Variants in HSPA12A observed in about 807,000 individuals in gnomAD.
The protein encoded by HSPA12A is heat shock 70 kDa protein 12A.
A neutral mutation model predicts 69.2 loss-of-function variants in HSPA12A; 28 were observed. The ratio of observed to expected loss-of-function variants is 0.40; its 90% CI spans 0.30 to 0.55. HSPA12A has a LOEUF of 0.55. Ranked by LOEUF, HSPA12A falls within the 20% of genes least tolerant of loss-of-function variation. HSPA12A has a pLI of 0.38. For missense variants in HSPA12A, 686 were observed against 900.7 expected (o/e 0.76, Z 3.05); for synonymous variants, 345 against 370.5 (o/e 0.93, Z 0.79).
chr10:116,840,547 T>C (rs956969670), intron 1 of HSPA12A, among the ~76,000 whole-genome samples: 1 of 152,224 alleles, frequency 6.6e-6, no homozygotes, highest in Admixed American at 6.5e-5. Flanking sequence ...GCATTTATGA[T>C]TAGGCAACCA....
At chr10:116,756,674 G>A (rs1047411799) in intron 2 of HSPA12A, among the ~76,000 whole-genome samples, 4 of 152,178 alleles carry the variant, frequency 2.6e-5, no homozygotes, top group Non-Finnish European at 4.4e-5. Context: ...TTTGCAAACC[G>A]TTTTGAAAGG....
chr10:116,754,279 G>A (rs1052251589), intron 2 of HSPA12A, among the ~76,000 whole-genome samples: 4 of 152,206 alleles, frequency 2.6e-5, no homozygotes, highest in South Asian at 2.1e-4. Flanking sequence ...AGCTCACTGC[G>A]AGGATGGAAA....
intron 1 of HSPA12A, among the ~76,000 whole-genome samples, chr10:116,731,304 C>T (rs1174488984): frequency 6.6e-6 from 1 of 152,186 alleles, no homozygotes; most frequent in Non-Finnish European, 1.5e-5. Context: ...AGGGATGGTG[C>T]CCAGAACTTA....
intron 1 of HSPA12A, among the ~76,000 whole-genome samples, chr10:116,721,816 G>C (rs879960441): frequency 4.6e-5 from 7 of 152,188 alleles, no homozygotes; most frequent in Non-Finnish European, 8.8e-5. Context: ...GATGGCCCCA[G>C]CTGCCATAAT....
intron 2 of HSPA12A, among the ~76,000 whole-genome samples, chr10:116,809,948 G>A (rs1845142553): frequency 6.6e-6 from 1 of 152,186 alleles, no homozygotes; most frequent in Non-Finnish European, 1.5e-5. Context: ...GGATCCCTGG[G>A]GAGGGACCCG....
intron 2 of HSPA12A, among the ~76,000 whole-genome samples, chr10:116,823,894 T>C (rs1461534101): frequency 2.6e-5 from 4 of 151,920 alleles, no homozygotes; most frequent in Non-Finnish European, 5.9e-5. Flanking sequence ...ACAAGAAAAA[T>C]ATGGCTAAAC....
intron 1 of HSPA12A, among the ~76,000 whole-genome samples, chr10:116,844,754 A>G (rs1430351753): frequency 4.6e-5 from 7 of 152,210 alleles, no homozygotes; most frequent in Admixed American, 3.9e-4. Context: ...ATTAACAAGC[A>G]CTTGATAGCA....
At chr10:116,720,203 A>G (rs1330381179) in intron 1 of HSPA12A, among the ~76,000 whole-genome samples, 1 of 152,210 alleles carries the variant, frequency 6.6e-6, no homozygotes, top group Non-Finnish European at 1.5e-5. Flanking sequence ...CCCTGCCTTC[A>G]GGAGCCCAGC....
intron 1 of HSPA12A, 33 bp from the exon 2 acceptor site, chr10:116,707,318 G>A: frequency 1.9e-6 from 3 of 1,547,370 alleles, no homozygotes; most frequent in Non-Finnish European, 2.7e-6. Context: ...CTCCTTAGAA[G>A]TGGCATGGAC....
intron 2 of HSPA12A, among the ~76,000 whole-genome samples, chr10:116,773,664 C>T (rs1844264929): frequency 1.3e-5 from 2 of 152,228 alleles, no homozygotes; most frequent in Non-Finnish European, 2.9e-5. Flanking sequence ...GGGTTGTCAA[C>T]TGCAGCCTGA....
At chr10:116,705,506 C>T (rs1314631740) in intron 2 of HSPA12A, among the ~76,000 whole-genome samples, 5 of 152,260 alleles carry the variant, frequency 3.3e-5, no homozygotes, top group Non-Finnish European at 5.9e-5. Context: ...GCCAGGCTGA[C>T]TGGACAAAGC....
At chr10:116,742,595 T>C (rs1405102358), upstream of HSPA12A, 14 of 1,110,042 alleles carry the variant, frequency 1.3e-5, no homozygotes, top group East Asian at 2.5e-4. Flanking sequence ...AGCGCTGCTC[T>C]GACGCGGCAG....
intron 1 of HSPA12A, 95 bp from the exon 2 acceptor site, chr10:116,707,380 T>C: frequency 2.1e-6 from 2 of 949,410 alleles, no homozygotes; most frequent in Non-Finnish European, 1.6e-6. Context: ...CTCCAGGAAC[T>C]GCGGCCTCTG....
At chr10:116,796,304 C>T (rs1631049) in intron 2 of HSPA12A, among the ~76,000 whole-genome samples, 123,809 of 151,914 alleles carry the variant, frequency 0.81, 52,695 homozygotes, top group Non-Finnish European at 0.93. Flanking sequence ...GTTGAATGAT[C>T]AAAATTTGGG....
chr10:116,674,779 G>T lies in HSPA12A; in HGVS notation c.*2C>A. On this transcript the variant is annotated 3_prime_UTR_variant, in exon 12 of 12. Transcript: ENST00000369209. The stretch of plus-strand genomic sequence containing the variant: ...AAGGGGACAGGCAGCGGGGCGGGAG[G>T]GTTAGTAATTTAAGAAGTCGATCCC... 1 of 1,602,374 alleles carries T rather than the reference G, an allele frequency of 6.2e-7. No individual in the cohort carries two copies. The highest frequency in any genetic ancestry group is 8.5e-7 in the Non-Finnish European group (1 of 1,174,106).
intron 10 of HSPA12A, among the ~76,000 whole-genome samples, chr10:116,678,089 G>A (rs1442414269): frequency 6.6e-6 from 1 of 151,774 alleles, no homozygotes; most frequent in African/African-American, 2.4e-5. Flanking sequence ...GAGGAGCCAA[G>A]TTTCTCTCTC....
rs529156333 is a variant in HSPA12A at position 116,737,346 on chromosome 10, C to T, written c.40+5084G>A. Among the ~76,000 whole-genome samples the T allele has an allele frequency of 2.0e-5, 3 of 152,238 alleles. No individual in the cohort carries two copies. In the East Asian group the frequency reaches 5.8e-4, roughly 29 times the overall value. Reference sequence around the variant, plus strand: ...TCTCTCATTTCATTCTCACAGCACCCCAGTAGAGCAGAGATTATTAATCGT... The same window carrying T: ...TCTCTCATTTCATTCTCACAGCACCTCAGTAGAGCAGAGATTATTAATCGT... On this transcript the variant is annotated intron_variant, in intron 1 of 11. Transcript: ENST00000369209.
chr10:116,751,815 A>G (rs2133087454), intron 2 of HSPA12A, among the ~76,000 whole-genome samples: 2 of 152,218 alleles, frequency 1.3e-5, no homozygotes, highest in South Asian at 4.2e-4. Flanking sequence ...CTTGGTGATG[A>G]GTGAGTTCTC....
At chr10:116,720,906 G>A (rs147182449) in intron 1 of HSPA12A, among the ~76,000 whole-genome samples, 10 of 152,342 alleles carry the variant, frequency 6.6e-5, no homozygotes, top group Admixed American at 1.3e-4. Flanking sequence ...GCCTGGAGGG[G>A]AGGCACGATG....
Sources: allele counts gnomAD v4.1 joint callset (sites outside exome capture counted in the v4.1 genomes callset), GRCh38; gene constraint gnomAD v4.1.1; transcripts MANE v1.5; gene names NCBI Gene and HGNC (gene_info 2026-07-23, HGNC 2026-07-21).